The following SELENOI variants were observed in gnomAD, a reference collection of about 807,000 sequenced individuals.
SELENOI encodes the protein ethanolaminephosphotransferase 1.
In SELENOI, 24 loss-of-function variants were observed where a neutral mutation model predicts 50.7. The observed-to-expected ratio is 0.47, with a 90% CI of 0.34 to 0.67. SELENOI has a LOEUF of 0.67. SELENOI is among the 30% of genes least tolerant of loss of function. The pLI is 0.01. For synonymous variants in SELENOI, 155 were observed against 170.2 expected, an observed-to-expected ratio of 0.91 and a Z score of 0.70; for missense variants, 352 against 461.4, an observed-to-expected ratio of 0.76 and a Z score of 2.17.
rs1677904674 is a variant in SELENOI at position 26,388,951 on chromosome 2, T to TA, written c.1096-48dup. On this transcript the variant is annotated intron_variant, in intron 9 of 9. Transcript: ENST00000260585. The stretch of plus-strand genomic sequence containing the variant: ...CTAGGGGGTAAATTCTGTGTGCTTT[T>TA]AAAAAACAATAAGGTACATATTTGT... The TA allele has an allele frequency of 2.0e-5, 27 of 1,372,160 alleles. No homozygotes were observed. The Middle Eastern group carries it at 7.1e-4, about 36-fold the overall frequency. 85.0% of individuals were successfully genotyped at this position (1,372,160 alleles called of 1,614,324 possible). A position where few individuals can be genotyped will look rare whatever the true frequency, so the allele number is the denominator to read the frequency against.
intron 4 of SELENOI, among the ~76,000 whole-genome samples, chr2:26,370,983 C>T (rs1200909881): frequency 3.0e-5 from 4 of 132,852 alleles, no homozygotes; most frequent in African/African-American, 1.1e-4. Flanking sequence ...GGGGGCTGAC[C>T]CCCCCACCTC....
At chr2:26,348,187 G>A (rs1231735903) in intron 1 of SELENOI, among the ~76,000 whole-genome samples, 1 of 151,994 alleles carries the variant, frequency 6.6e-6, no homozygotes, top group African/African-American at 2.4e-5. Flanking sequence ...TTTTCTTATC[G>A]TTGCGTTCCC....
At position 26,373,153 on chromosome 2, in the gene SELENOI, T is replaced by C. The variant is rs1369651295; in HGVS notation, c.311-214T>C. On this transcript the variant is annotated intron_variant, in intron 4 of 9. Transcript: ENST00000260585. ...ATCCTCCTGCCTTGGCCTCCCAAAG[T>C]GTGGGGATTACAGGTGTGAGACACT... Among the ~76,000 whole-genome samples, 9 of 152,190 alleles carry C rather than the reference T, an allele frequency of 5.9e-5. No individual in the cohort carries two copies. The East Asian group carries it at 1.7e-3, about 29-fold the overall frequency.
At chr2:26,355,039 A>T (rs1195206159) in intron 1 of SELENOI, among the ~76,000 whole-genome samples, 1 of 152,228 alleles carries the variant, frequency 6.6e-6, no homozygotes, top group African/African-American at 2.4e-5. Flanking sequence ...AGGTTTCCTC[A>T]TCTGTGAAAT....
chr2:26,359,375 G>GTACTTGCC (rs953968498), intron 1 of SELENOI, among the ~76,000 whole-genome samples: 2 of 152,108 alleles, frequency 1.3e-5, no homozygotes, highest in Admixed American at 6.6e-5. Flanking sequence ...TGGTGTAGTG[G>GTACTTGCC]TACTTGCCTG....
Position 26,381,198 on chromosome 2 carries a change from C to CTTTTTTTTTTTTTTTTT in SELENOI, c.683-2086_683-2070dup, listed in dbSNP as rs57102834. On this transcript the variant is annotated intron_variant, in intron 6 of 9. Coordinates refer to ENST00000260585, the MANE Select transcript of SELENOI (RefSeq NM_033505.4). ...TGGATTGTATCTCCTTCAGTTTGGT[C>CTTTTTTTTTTTTTTTTT]TTTTTTTTTTTTTTTTTTTTTTTTT... 5.6e-4 allele frequency among the ~76,000 whole-genome samples: 17 copies of CTTTTTTTTTTTTTTTTT among 30,198 alleles called. 4 individuals carry two copies. The highest frequency in any genetic ancestry group is 2.2e-3 in the African/African-American group (12 of 5,532). The allele number at this position is 30,198 out of a possible 152,430, so 19.8% of individuals were successfully genotyped here. A position where few individuals can be genotyped will look rare whatever the true frequency, so the allele number is the denominator to read the frequency against.
intron 1 of SELENOI, among the ~76,000 whole-genome samples, chr2:26,362,025 G>T (rs998865895): frequency 1.3e-5 from 2 of 152,160 alleles, no homozygotes; most frequent in African/African-American, 4.8e-5. Flanking sequence ...GTTAGGATGG[G>T]TTGGAGAAAT....
intron 1 of SELENOI, among the ~76,000 whole-genome samples, chr2:26,352,971 A>G (rs1013354575): frequency 1.3e-5 from 2 of 152,074 alleles, no homozygotes; most frequent in African/African-American, 4.8e-5. Context: ...TTCTCTACCA[A>G]TGCATATGCT....
Position 26,383,293 on chromosome 2 carries a change from C to T in SELENOI, c.683-6C>T, listed in dbSNP as rs1430881866. On this transcript the variant is annotated splice_polypyrimidine_tract_variant and splice_region_variant and intron_variant, in intron 6 of 9. Transcript: ENST00000260585. ...AGCATAATAATTGAATAATTATTCC[C>T]TTTAGGTTGTGCATTATGTGTGACT... 4 of 1,530,078 alleles carry T rather than the reference C, an allele frequency of 2.6e-6. No homozygotes were observed. Among genetic ancestry groups the T allele is most frequent in the Non-Finnish European group, 3.5e-6 (4 of 1,126,938 alleles). 94.8% of individuals were successfully genotyped at this position (1,530,078 alleles called of 1,614,324 possible).
At chr2:26,366,913 G>A (rs533802359) in intron 3 of SELENOI, among the ~76,000 whole-genome samples, 17 of 152,308 alleles carry the variant, frequency 1.1e-4, no homozygotes, top group Admixed American at 2.6e-4. Flanking sequence ...ACTCAGTCTT[G>A]AGTTACGATA....
At chr2:26,369,376 A>G (rs1488772227) in intron 4 of SELENOI, among the ~76,000 whole-genome samples, 3 of 152,128 alleles carry the variant, frequency 2.0e-5, no homozygotes, top group Non-Finnish European at 4.4e-5. Flanking sequence ...CAGTATCTAA[A>G]ATTGTACTCT....
In SELENOI at chr2:26,364,364, A is replaced by G; in HGVS notation, c.120A>G (p.Ile40Met). Residue 40 changes from isoleucine (I) to methionine (M), a missense_variant, in exon 2 of 10, where the codon ATA becomes ATG. Transcript: ENST00000260585. Reference sequence around the variant, plus strand: ...TCATGCATCCATTCTGGAACACTATAGTAAAGGTAAGATAATTAATATGTA... The same window carrying G: ...TCATGCATCCATTCTGGAACACTATGGTAAAGGTAAGATAATTAATATGTA... ...LYVMHPFWNT[I>M]VKVFPTWLAP... is the part of the protein sequence containing the mutation. 2.6e-6 allele frequency: 4 copies of G among 1,546,492 alleles called. No individual in the cohort carries two copies. The highest frequency in any genetic ancestry group is 3.5e-6 in the Non-Finnish European group (4 of 1,138,898).
intron 1 of SELENOI, among the ~76,000 whole-genome samples, chr2:26,349,308 CTT>C (rs11434987): frequency 6.9e-5 from 8 of 115,324 alleles, no homozygotes; most frequent in Admixed American, 9.4e-5. Context: ...CCACACTTGT[CTT>C]TTTTTTTTTT....
At position 26,366,153 on chromosome 2, in the gene SELENOI, A is replaced by T. The variant is rs1017336686; in HGVS notation, c.236-993A>T. Among the ~76,000 whole-genome samples, 7 of 152,282 alleles carry T rather than the reference A, an allele frequency of 4.6e-5. No homozygotes were observed. The South Asian group carries it at 1.2e-3, about 27-fold the overall frequency. ...AATATTGAAAGTATACATATGCTGA[A>T]CTTTACTGAAACTTTTAGCCATAGC... On this transcript the variant is annotated intron_variant, in intron 3 of 9. Transcript: ENST00000260585.
At chr2:26,387,485 G>A (rs1278781957) in intron 9 of SELENOI, among the ~76,000 whole-genome samples, 1 of 151,814 alleles carries the variant, frequency 6.6e-6, no homozygotes, top group Admixed American at 6.6e-5. Flanking sequence ...TAGCTCAGGA[G>A]TTCGAGACCA....
In SELENOI at chr2:26,370,922, C is replaced by T. The variant is rs867454332; in HGVS notation, c.311-2445C>T. Among the ~76,000 whole-genome samples the T allele has an allele frequency of 9.1e-3, 836 of 91,572 alleles. 9 individuals carry two copies. The highest frequency in any genetic ancestry group is 0.029 in the African/African-American group (781 of 26,674). 60.1% of individuals were successfully genotyped at this position (91,572 alleles called of 152,430 possible). On this transcript the variant is annotated intron_variant, in intron 4 of 9. Coordinates refer to ENST00000260585, the MANE Select transcript of SELENOI (RefSeq NM_033505.4). ...CTCCCGGACGGGGCGGCTGGCCGGG[C>T]GGGGGGCTGACCCCCCCACCTCCCT...
chr2:26,369,632 C>T (rs79248704), intron 4 of SELENOI, among the ~76,000 whole-genome samples: 2 of 152,310 alleles, frequency 1.3e-5, no homozygotes, highest in African/African-American at 4.8e-5. Flanking sequence ...TCATTCATAC[C>T]GTCAGGTGCC....
Position 26,364,930 on chromosome 2 carries a change from T to C in SELENOI, c.225T>C (p.Phe75=). 6.3e-7 allele frequency: 1 copy of C among 1,598,318 alleles called. No homozygotes were observed. Among genetic ancestry groups the C allele is most frequent in the Middle Eastern group, 1.7e-4 (1 of 6,010 alleles). ...TAATGGCATACTTTGATCCTGACTT[T>C]TATGCCTCAGGTAAGAATATTACTT... ...FLLMAYFDPD[F]YASAPGHKHV... Residue 75 remains phenylalanine (F), a synonymous_variant, in exon 3 of 10, where the codon TTT becomes TTC. Transcript: ENST00000260585.
At chr2:26,381,289 C>T (rs1455525781) in intron 6 of SELENOI, among the ~76,000 whole-genome samples, 2 of 130,040 alleles carry the variant, frequency 1.5e-5, no homozygotes, top group African/African-American at 5.8e-5. Flanking sequence ...AAGTCTGGGC[C>T]TTCACTTGTG....
Sources: gnomAD v4.1 joint callset for allele counts (sites outside exome capture counted in the v4.1 genomes callset) on GRCh38, gnomAD v4.1.1 for gene constraint, MANE v1.5 for transcripts, NCBI Gene and HGNC (gene_info 2026-07-23, HGNC 2026-07-21) for gene names.